RP1: variants seen among roughly 807,000 people sequenced by gnomAD.
RP1 encodes the protein oxygen-regulated protein 1.
Under a neutral mutation model 14.8 loss-of-function variants are expected in RP1, and 16 were observed. The observed-to-expected ratio is 1.08, with a 90% CI of 0.73 to 1.65. The LOEUF is 1.65. RP1 is among the 40% of genes most tolerant of loss of function. The probability of loss-of-function intolerance (pLI) is 0.00; values close to 1 mark genes in which losing one functional copy is unlikely to be tolerated. For missense variants in RP1, 2,631 were observed against 2,535.0 expected (o/e 1.04, Z -0.81); for synonymous variants, 876 against 883.6 (o/e 0.99, Z 0.15).
chr8:54,791,238 G>A (rs946510896), intron 24 of RP1, among the ~76,000 whole-genome samples: 1 of 151,982 alleles, frequency 6.6e-6, no homozygotes, highest in Non-Finnish European at 1.5e-5. Flanking sequence ...CAAGAATACT[G>A]TACCCACCAA....
At chr8:54,563,405 C>T (rs1164557701) in intron 1 of RP1, among the ~76,000 whole-genome samples, 1 of 152,228 alleles carries the variant, frequency 6.6e-6, no homozygotes, top group Non-Finnish European at 1.5e-5. Flanking sequence ...TCAGTTACCT[C>T]CCCGGGTACC....
At chr8:54,858,847 G>C (rs1812268356) in intron 27 of RP1, among the ~76,000 whole-genome samples, 1 of 152,080 alleles carries the variant, frequency 6.6e-6, no homozygotes, top group Admixed American at 6.5e-5. Context: ...CTGCTGTAGA[G>C]TAGTGTCGCT....
chr8:54,838,710 AGTGTGT>A (rs68010428), intron 25 of RP1, among the ~76,000 whole-genome samples: 19 of 150,770 alleles, frequency 1.3e-4, no homozygotes, highest in South Asian at 8.4e-4. Context: ...TGTGTGTATG[AGTGTGT>A]GTGTGTGTGT....
chr8:54,850,552 AAGG>A (rs1289697190), intron 25 of RP1, among the ~76,000 whole-genome samples: 11 of 152,214 alleles, frequency 7.2e-5, no homozygotes, highest in African/African-American at 1.9e-4. Flanking sequence ...TTTCCTGCCC[AAGG>A]AGAAGGACTG....
At chr8:54,866,890 T>C (rs931160999) in intron 28 of RP1, among the ~76,000 whole-genome samples, 4 of 152,218 alleles carry the variant, frequency 2.6e-5, no homozygotes, top group Non-Finnish European at 4.4e-5. Context: ...ATGCATTGTA[T>C]ATATTAATTT....
chr8:54,787,160 C>A (rs1810339081), intron 24 of RP1, among the ~76,000 whole-genome samples: 1 of 152,056 alleles, frequency 6.6e-6, no homozygotes, highest in Non-Finnish European at 1.5e-5. Flanking sequence ...CTATAGAGTT[C>A]AGCTCTATGG....
chr8:54,579,692 A>G (rs986440201), intron 1 of RP1, among the ~76,000 whole-genome samples: 1 of 152,210 alleles, frequency 6.6e-6, no homozygotes. Flanking sequence ...AAATGTGGTC[A>G]TTGTGCATCA....
chr8:54,630,696 T>G lies in RP1; in HGVS notation c.*343T>G, dbSNP rs1405553628. 1.8e-6 allele frequency: 2 copies of G among 1,099,022 alleles called. No individual in the cohort carries two copies. The highest frequency in any genetic ancestry group is 4.9e-5 in the Admixed American group (1 of 20,512). 68.1% of individuals were successfully genotyped at this position (1,099,022 alleles called of 1,614,324 possible). A position where few individuals can be genotyped will look rare whatever the true frequency, so the allele number is the denominator to read the frequency against. Reference sequence around the variant, plus strand: ...ATCCTTTTTAAAAAATGTTGTTAGCTTGGTGTAAAATGTATATTGACTGTA... The same window carrying G: ...ATCCTTTTTAAAAAATGTTGTTAGCGTGGTGTAAAATGTATATTGACTGTA... On this transcript the variant is annotated 3_prime_UTR_variant, in exon 4 of 4. Coordinates refer to ENST00000220676, the MANE Select transcript of RP1 (RefSeq NM_006269.2).
chr8:54,688,384 G>T (rs974282828), intron 12 of RP1, among the ~76,000 whole-genome samples: 1 of 152,106 alleles, frequency 6.6e-6, no homozygotes, highest in Non-Finnish European at 1.5e-5. Flanking sequence ...TGAAGTCCTT[G>T]CCCATGCCTA....
intron 7 of RP1, among the ~76,000 whole-genome samples, chr8:54,672,213 T>C (rs1807195658): frequency 6.6e-6 from 1 of 152,200 alleles, no homozygotes; most frequent in African/African-American, 2.4e-5. Context: ...CCTTCCAAAC[T>C]ATCTGCCATT....
chr8:54,559,519 C>T (rs888887711), intron 1 of RP1, among the ~76,000 whole-genome samples: 5 of 152,102 alleles, frequency 3.3e-5, no homozygotes, highest in African/African-American at 1.2e-4. Context: ...ATAACTGTGT[C>T]TTGGTTGCTG....
At chr8:54,663,435 G>A (rs1273147133) in intron 6 of RP1, among the ~76,000 whole-genome samples, 1 of 152,170 alleles carries the variant, frequency 6.6e-6, no homozygotes, top group Non-Finnish European at 1.5e-5. Flanking sequence ...CTGTGAAATT[G>A]TGACCAGCAT....
intron 1 of RP1, among the ~76,000 whole-genome samples, chr8:54,569,425 G>T (rs368934373): frequency 1.3e-5 from 2 of 152,208 alleles, no homozygotes; most frequent in East Asian, 1.9e-4. Flanking sequence ...TTGCCTTGTA[G>T]ATCTATGTAC....
intron 12 of RP1, among the ~76,000 whole-genome samples, chr8:54,695,454 T>G (rs187245862): frequency 6.6e-6 from 1 of 152,078 alleles, no homozygotes; most frequent in African/African-American, 2.4e-5. Flanking sequence ...TGTAAATTTT[T>G]ATTATTTTAA....
intron 22 of RP1, among the ~76,000 whole-genome samples, chr8:54,759,590 C>T (rs1809590342): frequency 2.0e-5 from 3 of 152,284 alleles, no homozygotes; most frequent in East Asian, 3.9e-4. Context: ...ACTGCCTCGG[C>T]TTGAGACACA....
At chr8:54,751,326 C>T (rs891265438) in intron 19 of RP1, among the ~76,000 whole-genome samples, 2 of 152,044 alleles carry the variant, frequency 1.3e-5, no homozygotes, top group South Asian at 4.1e-4. Context: ...GATGAGAGGT[C>T]CTCTTGTGGA....
intron 24 of RP1, among the ~76,000 whole-genome samples, chr8:54,795,412 A>G (rs1037327868): frequency 2.0e-5 from 3 of 152,136 alleles, no homozygotes; most frequent in African/African-American, 7.2e-5. Context: ...AGAATATACT[A>G]TGGAAAACAT....
intron 5 of RP1, chr8:54,652,925 G>T: frequency 8.3e-7 from 1 of 1,201,232 alleles, no homozygotes; most frequent in East Asian, 2.5e-5. Context: ...TTCCTCTCAG[G>T]AGTCAACTCA....
intron 18 of RP1, among the ~76,000 whole-genome samples, chr8:54,735,703 T>C (rs760660674): frequency 7.2e-5 from 11 of 152,214 alleles, no homozygotes; most frequent in Non-Finnish European, 1.5e-4. Context: ...GCACTTTGGC[T>C]CCTTGCACAG....
Sources: gnomAD v4.1 joint callset for allele counts (sites outside exome capture counted in the v4.1 genomes callset) on GRCh38, gnomAD v4.1.1 for gene constraint, MANE v1.5 for transcripts, NCBI Gene and HGNC (gene_info 2026-07-23, HGNC 2026-07-21) for gene names.